OPCML: variants seen among roughly 807,000 people sequenced by gnomAD.
OPCML encodes opioid-binding protein/cell adhesion molecule.
OPCML carries 13 observed loss-of-function variants against 37.8 expected under a neutral mutation model. That is an observed-to-expected ratio of 0.34 (90% CI 0.22 to 0.55). The LOEUF (loss-of-function observed/expected upper bound fraction) is 0.55, where lower values mean the gene tolerates loss of function less well. OPCML is among the 20% of genes least tolerant of loss of function. The pLI is 0.91. For missense variants in OPCML, 341 were observed against 435.6 expected (o/e 0.78, Z 1.93); for synonymous variants, 176 against 168.8 (o/e 1.04, Z -0.33).
At chr11:133,015,966 C>T (rs1456614312) in intron 1 of OPCML, among the ~76,000 whole-genome samples, 1 of 152,180 alleles carries the variant, frequency 6.6e-6, no homozygotes, top group Non-Finnish European at 1.5e-5. Context: ...AAGAATGAAC[C>T]CTTTTCCATA....
intron 4 of OPCML, among the ~76,000 whole-genome samples, chr11:132,522,377 C>T (rs1449065434): frequency 6.6e-6 from 1 of 152,160 alleles, no homozygotes; most frequent in African/African-American, 2.4e-5. Flanking sequence ...AAAATTATCA[C>T]TTTTCTCCCA....
At chr11:133,162,120 T>C (rs1950151217) in intron 1 of OPCML, among the ~76,000 whole-genome samples, 1 of 151,214 alleles carries the variant, frequency 6.6e-6, no homozygotes, top group South Asian at 2.1e-4. Context: ...CAGTTCACTA[T>C]CAACCATGCC....
chr11:133,340,061 T>C (rs183789489), intron 1 of OPCML, among the ~76,000 whole-genome samples: 9 of 152,318 alleles, frequency 5.9e-5, no homozygotes, highest in Admixed American at 1.3e-4. Flanking sequence ...AAAAAAAATG[T>C]TTCCTTTTCT....
intron 7 of OPCML, among the ~76,000 whole-genome samples, chr11:132,421,961 TAAA>T (rs1161185461): frequency 6.6e-6 from 1 of 152,146 alleles, no homozygotes; most frequent in Non-Finnish European, 1.5e-5. Flanking sequence ...CATTTTTAAA[TAAA>T]AATATGTACA....
At chr11:133,451,595 C>A (rs1482658162) in intron 1 of OPCML, among the ~76,000 whole-genome samples, 1 of 151,544 alleles carries the variant, frequency 6.6e-6, no homozygotes, top group Non-Finnish European at 1.5e-5. Flanking sequence ...TGTAATCCAG[C>A]GCTTTGGGAG....
intron 4 of OPCML, among the ~76,000 whole-genome samples, chr11:132,460,838 C>A (rs925672146): frequency 2.0e-5 from 3 of 152,204 alleles, no homozygotes; most frequent in Admixed American, 6.5e-5. Context: ...TCTTAGGAAG[C>A]ATTCCTTAGA....
rs1313264468 is a variant in OPCML, at chr11:133,211,691, G to A, written c.62-268681C>T. 6.6e-6 allele frequency among the ~76,000 whole-genome samples: 1 copy of A among 152,156 alleles called. No homozygotes were observed. The highest frequency in any genetic ancestry group is 1.5e-5 in the Non-Finnish European group (1 of 68,046). ...GCATCTGGGGCCAGGGAGTCATCTGGCTTTGTGGCAACACAGACTGTGTGG... is the reference window on the plus strand; with the variant it reads ...GCATCTGGGGCCAGGGAGTCATCTGACTTTGTGGCAACACAGACTGTGTGG... On this transcript the variant is annotated intron_variant, in intron 1 of 7. Transcript: ENST00000524381. This position sits in a 1 kb window ranked among gnomAD's most constrained non-coding sequence, Gnocchi z 4.1.
chr11:133,526,293 G>T (rs1948489715), intron 1 of OPCML, among the ~76,000 whole-genome samples: 1 of 152,208 alleles, frequency 6.6e-6, no homozygotes, highest in African/African-American at 2.4e-5. Context: ...CACCAAGGCT[G>T]GGGGCTAGAG....
intron 1 of OPCML, among the ~76,000 whole-genome samples, chr11:133,041,419 C>T (rs983801712): frequency 9.9e-5 from 15 of 152,274 alleles, no homozygotes; most frequent in South Asian, 4.1e-4. Context: ...CCTCTCTTTC[C>T]GCTGTAGTTG....
At position 132,474,705 on chromosome 11, in the gene OPCML, G is replaced by C. The variant is rs184001437; in HGVS notation, c.506-37346C>G. 2.4e-3 allele frequency among the ~76,000 whole-genome samples: 360 copies of C among 152,234 alleles called. 1 individual carries two copies. Among genetic ancestry groups the C allele is most frequent in the African/African-American group, 8.0e-3 (334 of 41,548 alleles). On this transcript the variant is annotated intron_variant, in intron 4 of 7. Coordinates refer to ENST00000524381, the MANE Select transcript of OPCML (RefSeq NM_001012393.5). ...CCATCATTCATATAGCTGGTCTTCT[G>C]TCTCAGTTCCCTGTTTATGCTCCTG...
chr11:133,170,006 T>C (rs544649495), intron 1 of OPCML, among the ~76,000 whole-genome samples: 1 of 152,058 alleles, frequency 6.6e-6, no homozygotes, highest in African/African-American at 2.4e-5. Flanking sequence ...AAAAAAGTTA[T>C]AAAAGGTTGA....
At chr11:133,059,532 T>C (rs1465850885) in intron 1 of OPCML, among the ~76,000 whole-genome samples, 1 of 152,244 alleles carries the variant, frequency 6.6e-6, no homozygotes, top group Non-Finnish European at 1.5e-5. Flanking sequence ...CTCCGCACGC[T>C]TGCAGGGAAA....
At chr11:133,407,300 T>C (rs534010922) in intron 1 of OPCML, among the ~76,000 whole-genome samples, 1 of 152,122 alleles carries the variant, frequency 6.6e-6, no homozygotes, top group Non-Finnish European at 1.5e-5. Flanking sequence ...GATTAGAGGG[T>C]TAACTAGAGT....
intron 1 of OPCML, among the ~76,000 whole-genome samples, chr11:133,445,686 T>C (rs540107210): frequency 1.3e-5 from 2 of 152,292 alleles, no homozygotes; most frequent in Admixed American, 6.5e-5. Flanking sequence ...ACAAAATAAA[T>C]TGCAGAAAAT....
intron 1 of OPCML, among the ~76,000 whole-genome samples, chr11:133,003,516 C>A (rs1460711420): frequency 6.6e-6 from 1 of 152,168 alleles, no homozygotes; most frequent in East Asian, 1.9e-4. Flanking sequence ...ATGATCTCCC[C>A]ATTTCAAGAT....
intron 2 of OPCML, chr11:132,817,163 A>G (rs1035979012): frequency 6.6e-6 from 1 of 152,262 alleles, no homozygotes; most frequent in Non-Finnish European, 1.5e-5. Flanking sequence ...CTGTGGCTTG[A>G]TGTGATGGTT....
chr11:133,140,931 C>A (rs866052434), intron 1 of OPCML, among the ~76,000 whole-genome samples: 56 of 4,512 alleles, frequency 0.012, 15 homozygotes, highest in Non-Finnish European at 0.021. Flanking sequence ...ACGACGACGA[C>A]GAAGAAGAAG....
chr11:132,469,147 A>G (rs1364844900), intron 4 of OPCML, among the ~76,000 whole-genome samples: 1 of 152,242 alleles, frequency 6.6e-6, no homozygotes, highest in Admixed American at 6.5e-5. Context: ...TCATCAATCA[A>G]TAAAAGATGT....
intron 1 of OPCML, among the ~76,000 whole-genome samples, chr11:133,363,605 C>A (rs1198869030): frequency 2.6e-5 from 4 of 152,180 alleles, no homozygotes; most frequent in Non-Finnish European, 5.9e-5. Context: ...GGTGCAGAGG[C>A]ACAGTCTTTC....
Sources: allele counts gnomAD v4.1 joint callset (sites outside exome capture counted in the v4.1 genomes callset), GRCh38; gene constraint gnomAD v4.1.1; non-coding constraint Gnocchi (gnomAD v3.1); transcripts MANE v1.5; gene names NCBI Gene and HGNC (gene_info 2026-07-23, HGNC 2026-07-21).